Variants in RELN observed in about 807,000 individuals in gnomAD.
RELN encodes reelin.
A neutral mutation model predicts 427.6 loss-of-function variants in RELN; 108 were observed. The ratio of observed to expected loss-of-function variants is 0.25; its 90% CI spans 0.22 to 0.30. The LOEUF (loss-of-function observed/expected upper bound fraction) is 0.30. Among genes scored for constraint, RELN ranks in the 10% least tolerant of loss-of-function variants. The pLI is 1.00. For synonymous variants in RELN, 1,524 were observed against 1,513.4 expected (o/e 1.01, Z -0.16); for missense variants, 3,715 against 4,302.8 (o/e 0.86, Z 3.82).
chr7:103,807,442 C>T (rs771766826), intron 3 of RELN, among the ~76,000 whole-genome samples: 1 of 152,112 alleles, frequency 6.6e-6, no homozygotes, highest in Non-Finnish European at 1.5e-5. Flanking sequence ...ATTCGTGAAG[C>T]TTTTTGTTGT....
chr7:103,504,800 C>T (rs1325808493), intron 51 of RELN, among the ~76,000 whole-genome samples: 2 of 152,206 alleles, frequency 1.3e-5, no homozygotes, highest in Non-Finnish European at 2.9e-5. Context: ...CCCACCCCCA[C>T]GGAGCCCAGC....
chr7:103,505,300 A>T (rs1829172271), intron 51 of RELN, among the ~76,000 whole-genome samples: 2 of 152,174 alleles, frequency 1.3e-5, no homozygotes, highest in Admixed American at 1.3e-4. Context: ...GGGCCGACAG[A>T]CACCTCATAC....
intron 1 of RELN, among the ~76,000 whole-genome samples, chr7:103,974,126 G>A (rs191772532): frequency 1.3e-5 from 2 of 152,164 alleles, no homozygotes; most frequent in East Asian, 3.9e-4. Flanking sequence ...CTGGGCAAGA[G>A]AGCAAGACTC....
chr7:103,727,789 T>A (rs1335136581), intron 7 of RELN, among the ~76,000 whole-genome samples: 1 of 152,180 alleles, frequency 6.6e-6, no homozygotes, highest in Admixed American at 6.6e-5. Flanking sequence ...CATGGCTTTA[T>A]AGAAGAACTT....
chr7:103,478,121 A>G (rs940371576), intron 64 of RELN, among the ~76,000 whole-genome samples: 4 of 152,200 alleles, frequency 2.6e-5, no homozygotes, highest in Admixed American at 6.5e-5. Context: ...CTGTTGCCCA[A>G]TGATGAAATG....
Position 103,989,308 on chromosome 7 carries a change from G to A in RELN, c.49C>T (p.Leu17=). The change falls in exon 1 of 65, where the codon CTG becomes TTG. Residue 17 remains leucine (L), a synonymous_variant. Transcript: ENST00000428762. This position sits in a 1 kb window ranked among gnomAD's most constrained non-coding sequence, Gnocchi z 4.9. ...GCGCGCGCCCTCAGCGTCGCCCCCA[G>A]CAACAGCGCTAGGAGGAAAGTCTGC... is the stretch of plus-strand genomic sequence containing the variant. ...ARQTFLLALL[L]GATLRARAAA... 6.3e-7 allele frequency: 1 copy of A among 1,598,552 alleles called. No individual in the cohort carries two copies. The highest frequency in any genetic ancestry group is 8.6e-7 in the Non-Finnish European group (1 of 1,168,900).
intron 1 of RELN, among the ~76,000 whole-genome samples, chr7:103,980,679 T>C (rs1796972407): frequency 6.6e-6 from 1 of 152,186 alleles, no homozygotes; most frequent in Non-Finnish European, 1.5e-5. Flanking sequence ...CATGAGGATT[T>C]TGTGAAAATT....
At chr7:103,490,248 C>G (rs1453239726) in intron 59 of RELN, among the ~76,000 whole-genome samples, 1 of 152,172 alleles carries the variant, frequency 6.6e-6, no homozygotes, top group Non-Finnish European at 1.5e-5. Flanking sequence ...TTGTATTTAT[C>G]CTGCAGCTTT....
At chr7:103,714,253 T>A (rs146803775) in intron 8 of RELN, among the ~76,000 whole-genome samples, 144 of 152,342 alleles carry the variant, frequency 9.5e-4, no homozygotes, top group African/African-American at 3.4e-3. Context: ...AAAAGTATAA[T>A]TGGTTATTTT....
intron 1 of RELN, among the ~76,000 whole-genome samples, chr7:103,930,801 T>C (rs1374629148): frequency 6.6e-6 from 1 of 152,052 alleles, no homozygotes; most frequent in African/African-American, 2.4e-5. Context: ...CTTTTCTTCA[T>C]GCTTCATTTC....
At chr7:103,491,340 A>G (rs1828643328) in intron 58 of RELN, among the ~76,000 whole-genome samples, 1 of 152,148 alleles carries the variant, frequency 6.6e-6, no homozygotes, top group Admixed American at 6.5e-5. Context: ...CATGAATAAG[A>G]GAGTTCTACT....
intron 1 of RELN, among the ~76,000 whole-genome samples, chr7:103,921,268 C>A (rs1795611802): frequency 6.6e-6 from 1 of 152,152 alleles, no homozygotes; most frequent in Non-Finnish European, 1.5e-5. Context: ...CCATATCAGA[C>A]ACCAAAGGTT....
intron 51 of RELN, among the ~76,000 whole-genome samples, chr7:103,510,225 A>G (rs1829360556): frequency 6.6e-6 from 1 of 152,230 alleles, no homozygotes; most frequent in Non-Finnish European, 1.5e-5. Context: ...AATAGCAAAG[A>G]CTTGGAACCA....
intron 1 of RELN, among the ~76,000 whole-genome samples, chr7:103,919,151 T>TC: frequency 6.9e-6 from 1 of 144,972 alleles, no homozygotes; most frequent in Admixed American, 6.9e-5. Context: ...TTTTTTTTTT[T>TC]TTTTTAGAAA....
chr7:103,498,065 A>G lies in RELN; in HGVS notation c.8843+12T>C. The G allele has an allele frequency of 6.2e-7, 1 of 1,613,734 alleles. No homozygotes were observed. The highest frequency in any genetic ancestry group is 8.5e-7 in the Non-Finnish European group (1 of 1,179,648). On this transcript the variant is annotated intron_variant, in intron 54 of 64. Transcript: ENST00000428762. ...TGGTGCAATAGAAATAACTAACAAAAAATTCACTTACTTTGCACCTCGAAG... is the reference window on the plus strand; with the variant it reads ...TGGTGCAATAGAAATAACTAACAAAGAATTCACTTACTTTGCACCTCGAAG...
At chr7:103,943,848 CAA>C (rs10631941) in intron 1 of RELN, among the ~76,000 whole-genome samples, 12 of 76,436 alleles carry the variant, frequency 1.6e-4, no homozygotes, top group East Asian at 4.6e-4. Flanking sequence ...ATTCTGTCTC[CAA>C]AAAAAAAAAA....
intron 3 of RELN, among the ~76,000 whole-genome samples, chr7:103,784,243 G>A (rs1170884821): frequency 1.3e-5 from 2 of 152,114 alleles, no homozygotes; most frequent in Admixed American, 6.6e-5. Context: ...TGTGTCAAAA[G>A]TTCCCAACTC....
At chr7:103,749,962 GT>G (rs1412302753) in intron 5 of RELN, among the ~76,000 whole-genome samples, 1 of 146,032 alleles carries the variant, frequency 6.8e-6, no homozygotes, top group Non-Finnish European at 1.5e-5. Flanking sequence ...ATGACAGTGA[GT>G]TCTCATGAGA....
intron 10 of RELN, among the ~76,000 whole-genome samples, chr7:103,697,430 C>A (rs1833999044): frequency 6.6e-6 from 1 of 152,064 alleles, no homozygotes; most frequent in East Asian, 1.9e-4. Flanking sequence ...TGTAACCCCC[C>A]AGGTCTGGAT....
Sources: gnomAD v4.1 joint callset for allele counts (sites outside exome capture counted in the v4.1 genomes callset) on GRCh38, gnomAD v4.1.1 for gene constraint, Gnocchi (gnomAD v3.1) non-coding constraint, MANE v1.5 for transcripts, NCBI Gene and HGNC (gene_info 2026-07-23, HGNC 2026-07-21) for gene names.